TENM4: variants seen among roughly 807,000 people sequenced by gnomAD.
The protein encoded by TENM4 is teneurin transmembrane protein 4.
Under a neutral mutation model 243.3 loss-of-function variants are expected in TENM4, and 82 were observed. The observed-to-expected ratio is 0.34, with a 90% CI of 0.28 to 0.40. The LOEUF (loss-of-function observed/expected upper bound fraction) is 0.40. Ranked by LOEUF, TENM4 falls within the 10% of genes least tolerant of loss-of-function variation. The pLI, the probability that TENM4 is intolerant of heterozygous loss-of-function variation, is 1.00. For missense variants in TENM4, 3,138 were observed against 3,673.3 expected (o/e 0.85, Z 3.77); for synonymous variants, 1,412 against 1,456.3 (o/e 0.97, Z 0.69).
intron 25 of TENM4, among the ~76,000 whole-genome samples, chr11:78,716,755 T>G (rs954487937): frequency 3.3e-5 from 5 of 152,224 alleles, no homozygotes; most frequent in African/African-American, 1.2e-4. Flanking sequence ...TTTTCAACTT[T>G]AATGTGCCAC....
At chr11:79,236,428 G>T (rs879882051) in intron 2 of TENM4, among the ~76,000 whole-genome samples, 2 of 152,112 alleles carry the variant, frequency 1.3e-5, no homozygotes, top group African/African-American at 2.4e-5. Flanking sequence ...CTTCTGCAGG[G>T]TTATTTGCTC....
intron 6 of TENM4, among the ~76,000 whole-genome samples, chr11:78,960,031 C>T (rs2136526750): frequency 6.6e-6 from 1 of 152,128 alleles, no homozygotes; most frequent in South Asian, 2.1e-4. Flanking sequence ...ATCAGGGTAC[C>T]TTAGAAATTG....
intron 2 of TENM4, among the ~76,000 whole-genome samples, chr11:79,244,269 G>T (rs1301957923): frequency 6.6e-6 from 1 of 152,196 alleles, no homozygotes; most frequent in African/African-American, 2.4e-5. Context: ...CACCGGGGGT[G>T]AGCAGGGAGC....
chr11:78,865,612 C>G (rs947412782), intron 9 of TENM4, among the ~76,000 whole-genome samples: 17 of 152,132 alleles, frequency 1.1e-4, no homozygotes, highest in African/African-American at 4.1e-4. Context: ...TGACTGCCAT[C>G]AAGACACACA....
chr11:79,343,628 C>A (rs1176820473), intron 1 of TENM4, among the ~76,000 whole-genome samples: 1 of 151,454 alleles, frequency 6.6e-6, no homozygotes, highest in Non-Finnish European at 1.5e-5. Context: ...TTAATATGGT[C>A]TAAAGAAAAT....
intron 2 of TENM4, among the ~76,000 whole-genome samples, chr11:79,259,779 C>A (rs755261503): frequency 1.2e-4 from 18 of 152,342 alleles, no homozygotes; most frequent in South Asian, 6.2e-4. Flanking sequence ...TATGTACTCA[C>A]TATGGCGCTA....
intron 15 of TENM4, among the ~76,000 whole-genome samples, chr11:78,794,810 G>C (rs1857129399): frequency 6.6e-6 from 1 of 152,152 alleles, no homozygotes; most frequent in African/African-American, 2.4e-5. Flanking sequence ...TTAGTGTCAA[G>C]GAAGAAAAAG....
At chr11:78,865,731 CG>C (rs571714398) in intron 9 of TENM4, among the ~76,000 whole-genome samples, 30 of 152,188 alleles carry the variant, frequency 2.0e-4, no homozygotes, top group African/African-American at 6.5e-4. Context: ...AGGCCACGCT[CG>C]GGTGAAAGCA....
intron 3 of TENM4, among the ~76,000 whole-genome samples, chr11:79,155,226 G>A (rs1297386049): frequency 1.3e-5 from 2 of 152,180 alleles, no homozygotes; most frequent in Non-Finnish European, 1.5e-5. Flanking sequence ...TGGAGGTGGG[G>A]CACACAGTAG....
At chr11:78,855,694 C>T (rs1264623399) in intron 11 of TENM4, among the ~76,000 whole-genome samples, 1 of 152,156 alleles carries the variant, frequency 6.6e-6, no homozygotes, top group African/African-American at 2.4e-5. Context: ...CTCTAGATCA[C>T]ATTTCCTGGA....
chr11:78,987,319 T>C (rs1163318735), intron 6 of TENM4, among the ~76,000 whole-genome samples: 1 of 151,984 alleles, frequency 6.6e-6, no homozygotes, highest in African/African-American at 2.4e-5. Context: ...AAAAAAAAAC[T>C]ATTGATAAAT....
At chr11:79,255,617 A>G (rs1209863506) in intron 2 of TENM4, among the ~76,000 whole-genome samples, 1 of 152,260 alleles carries the variant, frequency 6.6e-6, no homozygotes, top group East Asian at 1.9e-4. Flanking sequence ...TGTGCATTCA[A>G]CACATTGAAT....
chr11:79,101,375 A>T (rs1861226542), intron 4 of TENM4, among the ~76,000 whole-genome samples: 1 of 152,208 alleles, frequency 6.6e-6, no homozygotes, highest in African/African-American at 2.4e-5. Flanking sequence ...ATTAGGTGGA[A>T]GTCTGAGTTA....
intron 3 of TENM4, among the ~76,000 whole-genome samples, chr11:79,167,436 C>T (rs1410026884): frequency 6.6e-6 from 1 of 152,190 alleles, no homozygotes; most frequent in Non-Finnish European, 1.5e-5. Context: ...ATACATATCA[C>T]CTCAACTAAT....
chr11:79,202,433 A>G (rs1400913598), intron 3 of TENM4, among the ~76,000 whole-genome samples: 1 of 152,226 alleles, frequency 6.6e-6, no homozygotes, highest in East Asian at 1.9e-4. Flanking sequence ...GATTGTTGCA[A>G]AAATGGTGGC....
intron 9 of TENM4, among the ~76,000 whole-genome samples, chr11:78,876,435 A>C (rs1291243288): frequency 6.6e-6 from 1 of 152,232 alleles, no homozygotes; most frequent in Non-Finnish European, 1.5e-5. Flanking sequence ...AGATGCAGAA[A>C]TATCCAACAT....
At chr11:79,186,888 C>A (rs1362042618) in intron 3 of TENM4, among the ~76,000 whole-genome samples, 1 of 152,132 alleles carries the variant, frequency 6.6e-6, no homozygotes, top group Non-Finnish European at 1.5e-5. Context: ...TGAAACAGCC[C>A]CTCGGAGCCC....
At chr11:79,359,811 G>A (rs184294001) in intron 1 of TENM4, among the ~76,000 whole-genome samples, 59 of 152,230 alleles carry the variant, frequency 3.9e-4, no homozygotes, top group Admixed American at 3.3e-3. Flanking sequence ...TTATGAGGTG[G>A]TATCCCCAGA....
At chr11:79,415,266 T>G (rs1439690493) in intron 1 of TENM4, among the ~76,000 whole-genome samples, 2 of 152,192 alleles carry the variant, frequency 1.3e-5, no homozygotes, top group Non-Finnish European at 2.9e-5. Context: ...GAACAAACTG[T>G]TTCAGAGCAC....
Sources: allele counts gnomAD v4.1 joint callset (sites outside exome capture counted in the v4.1 genomes callset), GRCh38; gene constraint gnomAD v4.1.1; transcripts MANE v1.5; gene names NCBI Gene and HGNC (gene_info 2026-07-23, HGNC 2026-07-21).